Variants in PTPN13 observed in about 807,000 individuals in gnomAD.
PTPN13 encodes tyrosine-protein phosphatase non-receptor type 13.
PTPN13 carries 191 observed loss-of-function variants against 284.0 expected under a neutral mutation model. The observed-to-expected ratio is 0.67, with a 90% confidence interval of 0.60 to 0.76. The LOEUF (loss-of-function observed/expected upper bound fraction) is 0.76. Among genes scored for constraint, PTPN13 ranks in the 30% least tolerant of loss-of-function variants. The pLI is 0.00. For synonymous variants in PTPN13, 986 were observed against 1,022.3 expected (o/e 0.96, Z 0.68); for missense variants, 2,797 against 2,939.9 (o/e 0.95, Z 1.12).
chr4:86,730,225 G>A lies in PTPN13; in HGVS notation c.1609-2175G>A, dbSNP rs937070572. On this transcript the variant is annotated intron_variant, in intron 10 of 47. Coordinates refer to ENST00000411767, the MANE Select transcript of PTPN13 (RefSeq NM_080683.3). ...TTTTATCCCAGAGGGGCACCCAACC[G>A]TATGAGGTGTCTGTCAGCCTCTACT... Among the ~76,000 whole-genome samples the A allele has an allele frequency of 1.9e-4, 28 of 149,584 alleles. 1 individual carries two copies. The highest frequency in any genetic ancestry group is 5.6e-4 in the African/African-American group (23 of 41,012).
chr4:86,791,780 A>C (rs1383669123), intron 40 of PTPN13, among the ~76,000 whole-genome samples: 1 of 152,182 alleles, frequency 6.6e-6, no homozygotes, highest in Non-Finnish European at 1.5e-5. Flanking sequence ...GTTAGAAGGG[A>C]AACTAACAAA....
intron 40 of PTPN13, among the ~76,000 whole-genome samples, chr4:86,795,780 A>C (rs903196479): frequency 6.6e-6 from 1 of 152,194 alleles, no homozygotes; most frequent in Non-Finnish European, 1.5e-5. Flanking sequence ...TAAGCAAACT[A>C]TCACAAGGAC....
At chr4:86,771,865 G>A (rs28634740) in intron 31 of PTPN13, among the ~76,000 whole-genome samples, 12,608 of 152,202 alleles carry the variant, frequency 0.083, 667 homozygotes, top group Non-Finnish European at 0.11. Context: ...TGGGAGACTA[G>A]GGACCAGAAA....
At chr4:86,737,335 A>G (rs1002531796) in intron 15 of PTPN13, among the ~76,000 whole-genome samples, 2 of 152,100 alleles carry the variant, frequency 1.3e-5, no homozygotes, top group African/African-American at 4.8e-5. Flanking sequence ...AATCACCTCC[A>G]CAGTCTTGAG....
At chr4:86,602,912 T>G (rs952224992) in intron 1 of PTPN13, among the ~76,000 whole-genome samples, 1 of 152,120 alleles carries the variant, frequency 6.6e-6, no homozygotes, top group Non-Finnish European at 1.5e-5. Flanking sequence ...TTGCGCAGGC[T>G]GGTCTCAAAC....
Position 86,751,006 on chromosome 4 carries a change from ACCTT to A in PTPN13, c.3069-16_3069-13del. Reference sequence around the variant, plus strand: ...TTTTTTACATTAACACTTCCCTCCTACCTTCCTTTTCCCTCTTCAGTTCAAAGTC... The same window carrying A: ...TTTTTTACATTAACACTTCCCTCCTACCTTTTCCCTCTTCAGTTCAAAGTC... On this transcript the variant is annotated splice_polypyrimidine_tract_variant and intron_variant, in intron 18 of 47. Coordinates refer to ENST00000411767, the MANE Select transcript of PTPN13 (RefSeq NM_080683.3). 1.9e-6 allele frequency: 3 copies of A among 1,581,484 alleles called. No homozygotes were observed. Among genetic ancestry groups the A allele is most frequent in the South Asian group, 1.1e-5 (1 of 87,984 alleles).
At position 86,783,818 on chromosome 4, in the gene PTPN13, G is replaced by A. The variant is rs553495295; in HGVS notation, c.6025-647G>A. Among the ~76,000 whole-genome samples, 22 of 151,264 alleles carry A rather than the reference G, an allele frequency of 1.5e-4. No homozygotes were observed. The South Asian group carries it at 4.0e-3, about 27-fold the overall frequency. On this transcript the variant is annotated intron_variant, in intron 37 of 47. Coordinates refer to ENST00000411767, the MANE Select transcript of PTPN13 (RefSeq NM_080683.3). ...TTTCAAGTGATTTTTCTTTTGATAGGCTATGCTCCATGAAGTGCTTTACAG... is the reference window on the plus strand; with the variant it reads ...TTTCAAGTGATTTTTCTTTTGATAGACTATGCTCCATGAAGTGCTTTACAG...
intron 20 of PTPN13, 114 bp downstream of exon 20, chr4:86,753,179 C>A: frequency 1.5e-6 from 1 of 673,494 alleles, no homozygotes; most frequent in Non-Finnish European, 2.4e-6. Context: ...TTTGATCTTA[C>A]ATTGAAGTTA....
chr4:86,769,641 A>G, intron 28 of PTPN13, 128 bp from the exon 29 acceptor site: 2 of 627,802 alleles, frequency 3.2e-6, no homozygotes, highest in Non-Finnish European at 5.5e-6. Context: ...TGCAGTAAGT[A>G]CATACAGAGC....
Position 86,809,875 on chromosome 4 carries a change from A to G in PTPN13, c.7190A>G (p.His2397Arg), listed in dbSNP as rs1578734456. 1 of 1,614,038 alleles carries G rather than the reference A, an allele frequency of 6.2e-7. No individual in the cohort carries two copies. The highest frequency in any genetic ancestry group is 8.5e-7 in the Non-Finnish European group (1 of 1,179,890). The change falls in exon 46 of 48, where the codon CAC becomes CGC. Residue 2397 changes from histidine to arginine, a missense_variant. His to Arg is a conservative substitution (Grantham distance 29). Transcript: ENST00000411767. Reference protein sequence around the residue: ...DLLTFISYMRHIHRSGPIITH... With the variant: ...DLLTFISYMRRIHRSGPIITH... ...CTTACTTTTATCTCCTACATGAGACACATCCACAGATCAGGCCCAATCATT... is the reference window on the plus strand; with the variant it reads ...CTTACTTTTATCTCCTACATGAGACGCATCCACAGATCAGGCCCAATCATT...
intron 10 of PTPN13, among the ~76,000 whole-genome samples, chr4:86,726,719 C>T (rs566364600): frequency 8.0e-5 from 12 of 149,408 alleles, no homozygotes; most frequent in South Asian, 2.1e-4. Flanking sequence ...GGGGCTGAGA[C>T]GATGGGGTTT....
rs754378706 is a variant in PTPN13 at position 86,701,601 on chromosome 4, G to A, written c.995G>A (p.Arg332Gln). The change falls in exon 7 of 48, where the codon CGG (arginine) becomes CAG (glutamine). Residue 332 changes from arginine (R) to glutamine (Q), a missense_variant. Transcript: ENST00000411767. ...RRCHPEAVTV[R>Q]TSTTPRKKEA... ...TGTCACCCTGAGGCAGTAACAGTGC[G>A]GACTTCAACTACTCCTAGAAAAAAG... 38 of 1,613,732 alleles carry A rather than the reference G, an allele frequency of 2.4e-5. No homozygotes were observed. The highest frequency in any genetic ancestry group is 1.1e-4 in the African/African-American group (8 of 74,878).
At position 86,689,109 on chromosome 4, in the gene PTPN13, C is replaced by A. The variant is rs1729751529; in HGVS notation, c.465C>A (p.Ala155=). 1.2e-6 allele frequency: 2 copies of A among 1,612,502 alleles called. No homozygotes were observed. Among genetic ancestry groups the A allele is most frequent in the Non-Finnish European group, 1.7e-6 (2 of 1,178,760 alleles). The change falls in exon 5 of 48, where the codon GCC becomes GCA. Residue 155 remains alanine (A), a synonymous_variant. Coordinates refer to ENST00000411767, the MANE Select transcript of PTPN13 (RefSeq NM_080683.3). ...GGACTGTGCTGGATGCTTGCAGTGC[C>A]CACATTAGGAATAGCAATTGTGCAC... ...SVRTVLDACS[A]HIRNSNCAPS... is the part of the protein sequence containing the mutation.
intron 1 of PTPN13, among the ~76,000 whole-genome samples, chr4:86,632,237 C>G (rs1722547734): frequency 6.6e-6 from 1 of 152,124 alleles, no homozygotes; most frequent in African/African-American, 2.4e-5. Flanking sequence ...CCTTCCCTAG[C>G]TAAGATTATC....
At chr4:86,729,324 T>C (rs911001017) in intron 10 of PTPN13, among the ~76,000 whole-genome samples, 7 of 149,270 alleles carry the variant, frequency 4.7e-5, no homozygotes, top group African/African-American at 1.7e-4. Flanking sequence ...TGTCTTGGGA[T>C]TGTTCTTCTC....
At chr4:86,726,302 G>A (rs543152662) in intron 10 of PTPN13, among the ~76,000 whole-genome samples, 1 of 149,434 alleles carries the variant, frequency 6.7e-6, no homozygotes, top group South Asian at 2.1e-4. Flanking sequence ...GGCTATGTGG[G>A]CTCTTTTTTG....
chr4:86,729,101 A>G (rs1419989303), intron 10 of PTPN13, among the ~76,000 whole-genome samples: 5 of 149,074 alleles, frequency 3.4e-5, no homozygotes, highest in Admixed American at 2.7e-4. Context: ...TCACTTATGA[A>G]GCTTAGTTTG....
chr4:86,632,612 A>C (rs1313995434), intron 1 of PTPN13, among the ~76,000 whole-genome samples: 1 of 151,428 alleles, frequency 6.6e-6, no homozygotes, highest in East Asian at 2.0e-4. Context: ...CAGTAGAAAT[A>C]ATTCTAATTT....
rs771051932 is a variant in PTPN13, at chr4:86,759,001, A to G, written c.3481A>G (p.Ile1161Val). 1.9e-6 allele frequency: 3 copies of G among 1,613,652 alleles called. No individual in the cohort carries two copies. The highest frequency in any genetic ancestry group is 2.2e-5 in the East Asian group (1 of 44,886). ...SLEGVSHHAA[I>V]EILQNAPEDV... is the part of the protein sequence containing the mutation. ...GGAGGGAGTCAGCCACCATGCTGCAATTGAAATTTTGCAAAATGCACCTGA... is the reference window on the plus strand; with the variant it reads ...GGAGGGAGTCAGCCACCATGCTGCAGTTGAAATTTTGCAAAATGCACCTGA... The change falls in exon 23 of 48, where the codon ATT becomes GTT. Residue 1161 changes from isoleucine to valine, a missense_variant. Physicochemically the swap from Ile to Val is conservative, Grantham distance 29 (BLOSUM62 3). Coordinates refer to ENST00000411767, the MANE Select transcript of PTPN13 (RefSeq NM_080683.3).
Sources: gnomAD v4.1 joint callset for allele counts (sites outside exome capture counted in the v4.1 genomes callset) on GRCh38, gnomAD v4.1.1 for gene constraint, MANE v1.5 for transcripts, NCBI Gene and HGNC (gene_info 2026-07-23, HGNC 2026-07-21) for gene names.